RPS3: variants seen among roughly 807,000 people sequenced by gnomAD.
RPS3 encodes the protein small ribosomal subunit protein uS3.
Under a neutral mutation model 25.8 loss-of-function variants are expected in RPS3, and 2 were observed. That is an observed-to-expected ratio of 0.08 (90% CI 0.03 to 0.24). RPS3 has a LOEUF of 0.24. Ranked by LOEUF, RPS3 falls within the 10% of genes least tolerant of loss-of-function variation. The pLI, the probability that RPS3 is intolerant of heterozygous loss-of-function variation, is 1.00. For synonymous variants in RPS3, 114 were observed against 114.2 expected, an observed-to-expected ratio of 1.00 and a Z score of 0.01; for missense variants, 107 against 307.1, an observed-to-expected ratio of 0.35 and a Z score of 4.87.
At chr11:75,401,503 G>C (rs1385061346) in intron 2 of RPS3, 137 bp from the exon 3 acceptor site, 1 of 641,420 alleles carries the variant, frequency 1.6e-6, no homozygotes, top group Non-Finnish European at 2.8e-6. Flanking sequence ...AAAAAAAGCT[G>C]CGTTTTAAAA....
At chr11:75,410,158 G>C (rs573085515), downstream of RPS3, among the ~76,000 whole-genome samples, 28 of 151,444 alleles carry the variant, frequency 1.8e-4, no homozygotes, top group African/African-American at 6.8e-4. Context: ...GGCTGGCCGG[G>C]CGGGGGGCTG....
downstream of RPS3, among the ~76,000 whole-genome samples, chr11:75,408,801 G>T (rs1948312718): frequency 6.6e-6 from 1 of 152,186 alleles, no homozygotes; most frequent in Non-Finnish European, 1.5e-5. Flanking sequence ...CTCCCAAAGT[G>T]CTGGGATTAC....
chr11:75,410,041 G>A (rs1398295207), downstream of RPS3, among the ~76,000 whole-genome samples: 9 of 126,684 alleles, frequency 7.1e-5, no homozygotes, highest in Middle Eastern at 6.0e-3. Context: ...CTCACCTCCC[G>A]GACGGGGCGG....
chr11:75,418,262 C>G (rs1205263485), intron 6 of RPS3, among the ~76,000 whole-genome samples: 3 of 152,234 alleles, frequency 2.0e-5, no homozygotes, highest in Non-Finnish European at 4.4e-5. Context: ...ACCACCCCAC[C>G]CATTTCAGTG....
intron 6 of RPS3, among the ~76,000 whole-genome samples, chr11:75,419,921 T>A (rs1022247120): frequency 4.6e-5 from 7 of 152,218 alleles, no homozygotes; most frequent in Admixed American, 4.6e-4. Context: ...GTCATTTTTT[T>A]AAAAAATAAA....
downstream of RPS3, chr11:75,407,031 A>G (rs1320982709): frequency 6.6e-6 from 1 of 152,220 alleles, no homozygotes; most frequent in Non-Finnish European, 1.5e-5. Flanking sequence ...TACTGCAGGA[A>G]GACTGCTCTA....
Position 75,404,967 on chromosome 11 carries a change from A to G in RPS3, c.*3+99A>G. On this transcript the variant is annotated intron_variant, in intron 6 of 6. Transcript: ENST00000531188. The surrounding 1 kb of genome is among the most constrained non-coding windows in gnomAD (Gnocchi z 4.6). ...CCACATTCTGGTAAGCGTTTGGTGA[A>G]TAAAAATTTCATTTATTTGCTTTAT... 1 of 807,662 alleles carries G rather than the reference A, an allele frequency of 1.2e-6. No homozygotes were observed. Among genetic ancestry groups the G allele is most frequent in the Non-Finnish European group, 1.9e-6 (1 of 533,912 alleles). 50.0% of individuals were successfully genotyped at this position (807,662 alleles called of 1,614,324 possible). A position where few individuals can be genotyped will look rare whatever the true frequency, so the allele number is the denominator to read the frequency against.
chr11:75,409,854 G>A (rs1446659824), downstream of RPS3, among the ~76,000 whole-genome samples: 7 of 145,212 alleles, frequency 4.8e-5, no homozygotes, highest in African/African-American at 1.5e-4. Context: ...GCGGCTGGCC[G>A]GGCAGAGGGG....
chr11:75,400,980 T>TA (rs1428206667), intron 2 of RPS3, among the ~76,000 whole-genome samples, 156 bp downstream of exon 2: 4 of 152,180 alleles, frequency 2.6e-5, no homozygotes, highest in Non-Finnish European at 4.4e-5. Flanking sequence ...CCTCCCGGGT[T>TA]CACGCCATTC....
rs902541009 is a variant in RPS3 at position 75,406,368 on chromosome 11, G to C, written c.*758G>C. 8.5e-5 allele frequency: 13 copies of C among 152,220 alleles called. No homozygotes were observed. The highest frequency in any genetic ancestry group is 2.7e-4 in the African/African-American group (11 of 41,454). 9.4% of individuals were successfully genotyped at this position (152,220 alleles called of 1,614,324 possible). A position where few individuals can be genotyped will look rare whatever the true frequency, so the allele number is the denominator to read the frequency against. On this transcript the variant is annotated 3_prime_UTR_variant, in exon 7 of 7. Transcript: ENST00000531188. Reference sequence around the variant, plus strand: ...AGGTTGGCTTGAAAATCATGAGACTGTTGTTAAATCAGATGCTGGTTGATC... The same window carrying C: ...AGGTTGGCTTGAAAATCATGAGACTCTTGTTAAATCAGATGCTGGTTGATC...
At chr11:75,405,340 A>C (rs1948271056) in intron 6 of RPS3, 1 of 255,120 alleles carries the variant, frequency 3.9e-6, no homozygotes, top group South Asian at 4.3e-5. Context: ...GCTGCTCAAG[A>C]TTTTCTAGGC....
intron 6 of RPS3, among the ~76,000 whole-genome samples, chr11:75,413,056 A>G (rs975051401): frequency 4.6e-5 from 7 of 152,180 alleles, no homozygotes; most frequent in Non-Finnish European, 8.8e-5. Flanking sequence ...TACAGGCATG[A>G]GCCACCATGC....
chr11:75,416,697 A>G (rs557886212), intron 6 of RPS3, among the ~76,000 whole-genome samples: 1 of 152,162 alleles, frequency 6.6e-6, no homozygotes, highest in South Asian at 2.1e-4. Context: ...ACGTGTGGTG[A>G]TCCGCCCACC....
At chr11:75,401,855 C>T in intron 3 of RPS3, 122 bp downstream of exon 3, 1 of 658,298 alleles carries the variant, frequency 1.5e-6, no homozygotes, top group Non-Finnish European at 2.7e-6. Context: ...TGTTGAAATT[C>T]TCTTAATGAA....
In RPS3 at chr11:75,402,710, A is replaced by G. The variant is rs17886282; in HGVS notation, c.350+264A>G. On this transcript the variant is annotated intron_variant, in intron 4 of 6. Transcript: ENST00000531188. ...GAGTTAAACACAAATAGAACTGTCC[A>G]AGGAGGGGACCAACTCCTGTTGGTC... 4.1e-3 allele frequency: 1,032 copies of G among 249,890 alleles called. 11 individuals carry two copies. Among genetic ancestry groups the G allele is most frequent in the African/African-American group, 0.021 (973 of 45,906 alleles). 15.5% of individuals were successfully genotyped at this position (249,890 alleles called of 1,614,324 possible). A position where few individuals can be genotyped will look rare whatever the true frequency, so the allele number is the denominator to read the frequency against.
chr11:75,406,232 C>T lies in RPS3; in HGVS notation c.*622C>T, dbSNP rs1948286254. ...TTATGTTCTGGAGAACTGTGAAGAACATTTAAATTGTCTCTGATTTTATCT... is the reference window on the plus strand; with the variant it reads ...TTATGTTCTGGAGAACTGTGAAGAATATTTAAATTGTCTCTGATTTTATCT... On this transcript the variant is annotated 3_prime_UTR_variant, in exon 7 of 7. Coordinates refer to ENST00000531188, the MANE Select transcript of RPS3 (RefSeq NM_001005.5). 1 of 152,208 alleles carries T rather than the reference C, an allele frequency of 6.6e-6. No homozygotes were observed. The highest frequency in any genetic ancestry group is 1.5e-5 in the Non-Finnish European group (1 of 68,040). 9.4% of individuals were successfully genotyped at this position (152,208 alleles called of 1,614,324 possible).
intron 6 of RPS3, among the ~76,000 whole-genome samples, chr11:75,418,602 A>G (rs1048463564): frequency 2.0e-5 from 3 of 152,234 alleles, no homozygotes; most frequent in Non-Finnish European, 4.4e-5. Flanking sequence ...ATTTGAGAAT[A>G]AATTGGTCTC....
intron 6 of RPS3, among the ~76,000 whole-genome samples, chr11:75,418,207 C>T (rs980978288): frequency 2.0e-5 from 3 of 152,242 alleles, no homozygotes; most frequent in African/African-American, 7.2e-5. Context: ...CCCAGATTCT[C>T]TGGGTGGGGG....
rs959386706 is a variant in RPS3 at position 75,406,592 on chromosome 11, G to T, written c.*982G>T. 6.6e-6 allele frequency: 1 copy of T among 152,176 alleles called. No homozygotes were observed. Among genetic ancestry groups the T allele is most frequent in the African/African-American group, 2.4e-5 (1 of 41,438 alleles). The allele number at this position is 152,176 out of a possible 1,614,324, so 9.4% of individuals were successfully genotyped here. A position where few individuals can be genotyped will look rare whatever the true frequency, so the allele number is the denominator to read the frequency against. On this transcript the variant is annotated 3_prime_UTR_variant, in exon 7 of 7. Transcript: ENST00000531188. ...AGGGCTTAATATTTGAGGTAATTAT[G>T]TAGGGCGTACACTGACAAGTATCTG...
Sources: gnomAD v4.1 joint callset for allele counts (sites outside exome capture counted in the v4.1 genomes callset) on GRCh38, gnomAD v4.1.1 for gene constraint, Gnocchi (gnomAD v3.1) non-coding constraint, MANE v1.5 for transcripts, NCBI Gene and HGNC (gene_info 2026-07-23, HGNC 2026-07-21) for gene names.